The following ANO10 variants were observed in gnomAD, a reference collection of about 807,000 sequenced individuals.
The protein encoded by ANO10 is anoctamin-10.
A neutral mutation model predicts 74.7 loss-of-function variants in ANO10; 77 were observed. The ratio of observed to expected loss-of-function variants is 1.03; its 90% CI spans 0.86 to 1.25. The LOEUF (loss-of-function observed/expected upper bound fraction) is 1.25, where lower values mean the gene tolerates loss of function less well. Among genes scored for constraint, ANO10 ranks in the 50% most tolerant of loss-of-function variants. ANO10 has a pLI of 0.00. For synonymous variants in ANO10, 279 were observed against 284.9 expected, an observed-to-expected ratio of 0.98 and a Z score of 0.21; for missense variants, 721 against 778.1, an observed-to-expected ratio of 0.93 and a Z score of 0.87.
intron 1 of ANO10, among the ~76,000 whole-genome samples, chr3:43,657,831 A>ATT (rs1467741011): frequency 5.3e-5 from 8 of 152,116 alleles, no homozygotes. Context: ...TGAAACAGAA[A>ATT]CCTTCAGTGC....
In ANO10 at chr3:43,643,681, TTC is replaced by T. The variant is rs1343897638; in HGVS notation, c.-11-37820_-11-37819del. The stretch of plus-strand genomic sequence containing the variant: ...CTTTTCATGTACTTGTCCTCATCTT[TTC>T]TTTTTTTTTTTTTTTTTTTAGATGG... On this transcript the variant is annotated intron_variant, in intron 1 of 3. Coordinates refer to the ANO10 transcript ENST00000413397. 2.4e-3 allele frequency among the ~76,000 whole-genome samples: 333 copies of T among 141,368 alleles called. 9 individuals are homozygous for T. The highest frequency in any genetic ancestry group is 8.8e-3 in the African/African-American group (302 of 34,380). 92.7% of individuals were successfully genotyped at this position (141,368 alleles called of 152,430 possible). A position where few individuals can be genotyped will look rare whatever the true frequency, so the allele number is the denominator to read the frequency against.
intron 1 of ANO10, among the ~76,000 whole-genome samples, chr3:43,682,276 C>T (rs1575591853): frequency 6.6e-6 from 1 of 152,190 alleles, no homozygotes; most frequent in African/African-American, 2.4e-5. Context: ...GAAATACAAA[C>T]AACCATCAGA....
At chr3:43,423,118 G>GA (rs36014128) in intron 12 of ANO10, among the ~76,000 whole-genome samples, 3,122 of 137,374 alleles carry the variant, frequency 0.023, 137 homozygotes, top group Admixed American at 0.12. Flanking sequence ...ATTTTTTTTG[G>GA]AAAAAAAAAA....
chr3:43,398,539 A>C (rs1346890513), intron 12 of ANO10, among the ~76,000 whole-genome samples: 1 of 152,162 alleles, frequency 6.6e-6, no homozygotes, highest in African/African-American at 2.4e-5. Context: ...GAAGAGTTTG[A>C]TATTTATTCT....
chr3:43,643,029 C>A (rs2083686416), intron 1 of ANO10, among the ~76,000 whole-genome samples: 1 of 149,182 alleles, frequency 6.7e-6, no homozygotes, highest in Non-Finnish European at 1.5e-5. Context: ...ATTTTCTTTT[C>A]TTTTTTCTTT....
In ANO10 at chr3:43,422,173, G is replaced by A. The variant is rs548841527; in HGVS notation, c.1914+10438C>T. Among the ~76,000 whole-genome samples the A allele has an allele frequency of 2.0e-5, 3 of 152,322 alleles. No homozygotes were observed. In the East Asian group the frequency reaches 5.8e-4, roughly 29 times the overall value. ...GCTCTGTCGCCCAGGCTGGAGTGCA[G>A]TGGTGAGATCTCAGCTCATTGCAAC... On this transcript the variant is annotated intron_variant, in intron 12 of 12. Transcript: ENST00000292246.
At chr3:43,661,970 C>A (rs565208242) in intron 1 of ANO10, among the ~76,000 whole-genome samples, 9 of 152,238 alleles carry the variant, frequency 5.9e-5, no homozygotes, top group African/African-American at 2.2e-4. Flanking sequence ...GACTGTAACA[C>A]CCCACTGTCA....
chr3:43,691,056 G>C, intron 1 of ANO10: 1 of 1,545,134 alleles, frequency 6.5e-7, no homozygotes, highest in Non-Finnish European at 8.7e-7. Context: ...GCAGCCGGCA[G>C]GGGGCTTCGT....
intron 1 of ANO10, among the ~76,000 whole-genome samples, chr3:43,644,089 T>C (rs1378744731): frequency 6.7e-6 from 1 of 149,224 alleles, no homozygotes; most frequent in Non-Finnish European, 1.5e-5. Context: ...GATTTTTTTG[T>C]TTGTTTGTTT....
chr3:43,370,144 A>G (rs899257505), intron 12 of ANO10, among the ~76,000 whole-genome samples: 2 of 152,198 alleles, frequency 1.3e-5, no homozygotes, highest in African/African-American at 2.4e-5. Context: ...CCCTGGCCCA[A>G]GAGCACTTCC....
intron 11 of ANO10, among the ~76,000 whole-genome samples, chr3:43,528,396 T>C (rs2078304408): frequency 6.6e-6 from 1 of 151,552 alleles, no homozygotes; most frequent in South Asian, 2.1e-4. Context: ...TAAATAAGCA[T>C]TTAAGAACAT....
chr3:43,445,333 A>G (rs906446477), intron 11 of ANO10, among the ~76,000 whole-genome samples: 2 of 152,156 alleles, frequency 1.3e-5, no homozygotes, highest in Non-Finnish European at 2.9e-5. Context: ...GTTGTTCACT[A>G]ATTATAACAA....
At chr3:43,428,413 G>A (rs2092930273) in intron 12 of ANO10, among the ~76,000 whole-genome samples, 1 of 152,020 alleles carries the variant, frequency 6.6e-6, no homozygotes, top group Admixed American at 6.6e-5. Context: ...AGACAGGGAG[G>A]GAGAATACTT....
chr3:43,388,541 C>A (rs901383262), intron 12 of ANO10, among the ~76,000 whole-genome samples: 6 of 152,146 alleles, frequency 3.9e-5, no homozygotes, highest in Non-Finnish European at 5.9e-5. Flanking sequence ...TTCTTACTCT[C>A]TATGCAATAT....
intron 1 of ANO10, among the ~76,000 whole-genome samples, chr3:43,617,318 G>A (rs2083161659): frequency 6.6e-6 from 1 of 151,940 alleles, no homozygotes; most frequent in Non-Finnish European, 1.5e-5. Context: ...AGGGTAGAAT[G>A]ATTTCTGTAT....
chr3:43,600,189 T>C (rs185824162), intron 3 of ANO10, among the ~76,000 whole-genome samples, 195 bp downstream of exon 3: 129 of 152,384 alleles, frequency 8.5e-4, no homozygotes, highest in African/African-American at 2.8e-3. Flanking sequence ...ATTCATTTAC[T>C]TATGGTCTAT....
intron 12 of ANO10, among the ~76,000 whole-genome samples, chr3:43,425,235 G>A (rs544244331): frequency 8.1e-6 from 1 of 123,674 alleles, no homozygotes; most frequent in East Asian, 2.4e-4. Flanking sequence ...TAGAGATGAG[G>A]TCTTGCCATG....
intron 12 of ANO10, among the ~76,000 whole-genome samples, chr3:43,407,720 G>A (rs1188178590): frequency 6.6e-6 from 1 of 152,214 alleles, no homozygotes; most frequent in African/African-American, 2.4e-5. Flanking sequence ...CACCATGGTG[G>A]TGATCCATGA....
intron 7 of ANO10, among the ~76,000 whole-genome samples, chr3:43,567,308 G>A (rs1236390957): frequency 1.3e-5 from 2 of 151,100 alleles, no homozygotes; most frequent in Non-Finnish European, 3.0e-5. Context: ...GCAGGCCAAC[G>A]TTCAGATTCA....
Sources: allele counts gnomAD v4.1 joint callset (sites outside exome capture counted in the v4.1 genomes callset), GRCh38; gene constraint gnomAD v4.1.1; transcripts MANE v1.5; gene names NCBI Gene and HGNC (gene_info 2026-07-23, HGNC 2026-07-21).